The following PCSK6 variants were observed in gnomAD, a reference collection of about 807,000 sequenced individuals.
PCSK6 encodes paired basic amino acid cleaving enzyme 4.
A neutral mutation model predicts 123.3 loss-of-function variants in PCSK6; 85 were observed. That is an observed-to-expected ratio of 0.69 (90% CI 0.58 to 0.83). The LOEUF is 0.83. Ranked by LOEUF, PCSK6 falls within the 40% of genes least tolerant of loss-of-function variation. The pLI, the probability that PCSK6 is intolerant of heterozygous loss-of-function variation, is 0.00. For missense variants in PCSK6, 1,191 were observed against 1,282.3 expected, an observed-to-expected ratio of 0.93 and a Z score of 1.09; for synonymous variants, 508 against 516.0, an observed-to-expected ratio of 0.98 and a Z score of 0.21.
chr15:101,326,707 G>C (rs771325388), intron 15 of PCSK6, among the ~76,000 whole-genome samples: 1 of 152,228 alleles, frequency 6.6e-6, no homozygotes, highest in Non-Finnish European at 1.5e-5. Context: ...CTCTAGACAG[G>C]GATGGCATGA....
chr15:101,338,142 G>T (rs1203885700), intron 13 of PCSK6, among the ~76,000 whole-genome samples: 1 of 152,138 alleles, frequency 6.6e-6, no homozygotes, highest in African/African-American at 2.4e-5. Flanking sequence ...CCCAGGCGAG[G>T]GACCACAGGC....
chr15:101,353,400 C>T (rs539341284), intron 13 of PCSK6, among the ~76,000 whole-genome samples: 7 of 152,210 alleles, frequency 4.6e-5, no homozygotes, highest in South Asian at 2.1e-4. Context: ...GTTTGCTGGC[C>T]GCTCACCTCC....
intron 6 of PCSK6, among the ~76,000 whole-genome samples, chr15:101,401,015 G>A (rs1477493103): frequency 6.6e-6 from 1 of 152,244 alleles, no homozygotes; most frequent in Non-Finnish European, 1.5e-5. Context: ...AGGTAGGATA[G>A]TTGGTGGTGG....
intron 18 of PCSK6, among the ~76,000 whole-genome samples, chr15:101,322,043 C>G (rs930566619): frequency 6.6e-6 from 1 of 152,186 alleles, no homozygotes; most frequent in African/African-American, 2.4e-5. Flanking sequence ...GCATGCTGAG[C>G]TTTATGGGGC....
intron 13 of PCSK6, among the ~76,000 whole-genome samples, chr15:101,354,963 G>A (rs2040998193): frequency 2.0e-5 from 3 of 152,154 alleles, no homozygotes; most frequent in African/African-American, 7.2e-5. Flanking sequence ...TTGTAACAGC[G>A]AGATAAAATA....
chr15:101,455,236 C>A (rs1037028467), intron 1 of PCSK6, among the ~76,000 whole-genome samples: 1 of 152,228 alleles, frequency 6.6e-6, no homozygotes, highest in Non-Finnish European at 1.5e-5. Flanking sequence ...GATGCTGGGA[C>A]TATGGCTCCA....
At chr15:101,319,011 C>A (rs2040056315) in intron 18 of PCSK6, among the ~76,000 whole-genome samples, 1 of 152,250 alleles carries the variant, frequency 6.6e-6, no homozygotes, top group Non-Finnish European at 1.5e-5. Context: ...TCACTCCAGC[C>A]AGCCGAGTGC....
At position 101,366,417 on chromosome 15, in the gene PCSK6, G is replaced by A. The variant is rs186476404; in HGVS notation, c.1722-85C>T. The A allele has an allele frequency of 4.1e-4, 593 of 1,428,994 alleles. 1 individual carries two copies. The African/African-American group carries it at 7.6e-3, about 18-fold the overall frequency. The allele number at this position is 1,428,994 out of a possible 1,614,324, so 88.5% of individuals were successfully genotyped here. A position where few individuals can be genotyped will look rare whatever the true frequency, so the allele number is the denominator to read the frequency against. On this transcript the variant is annotated intron_variant, in intron 12 of 21. Transcript: ENST00000611716. Reference sequence around the variant, plus strand: ...GGGCTGGCACAAGCAGGGCTCTCGGGGGACTGTATGACCTGGCTGGACCGT... The same window carrying A: ...GGGCTGGCACAAGCAGGGCTCTCGGAGGACTGTATGACCTGGCTGGACCGT...
intron 13 of PCSK6, among the ~76,000 whole-genome samples, chr15:101,334,672 T>C (rs967269291): frequency 6.6e-6 from 1 of 152,190 alleles, no homozygotes; most frequent in Non-Finnish European, 1.5e-5. Context: ...GAGGCTATCA[T>C]TTGAGTTGAA....
chr15:101,430,929 A>G (rs2056426365), intron 4 of PCSK6, among the ~76,000 whole-genome samples: 1 of 152,250 alleles, frequency 6.6e-6, no homozygotes, highest in South Asian at 2.1e-4. Flanking sequence ...TCAAGATCTC[A>G]GAGCTAATCA....
intron 6 of PCSK6, among the ~76,000 whole-genome samples, chr15:101,404,460 C>T (rs1240301598): frequency 6.6e-6 from 1 of 152,168 alleles, no homozygotes; most frequent in Non-Finnish European, 1.5e-5. Context: ...ACACTGGGCC[C>T]AAGTGTCCAG....
intron 1 of PCSK6, among the ~76,000 whole-genome samples, chr15:101,480,672 G>C (rs977211342): frequency 1.3e-5 from 2 of 152,216 alleles, no homozygotes; most frequent in East Asian, 3.9e-4. Flanking sequence ...CGCAGGGTGT[G>C]AAGCATCCAC....
intron 2 of PCSK6, among the ~76,000 whole-genome samples, chr15:101,440,341 T>C (rs2056722414): frequency 6.6e-6 from 1 of 152,246 alleles, no homozygotes; most frequent in Non-Finnish European, 1.5e-5. Flanking sequence ...AAAATGACTG[T>C]ACCATTCCGG....
intron 4 of PCSK6, among the ~76,000 whole-genome samples, 172 bp downstream of exon 4, chr15:101,431,148 G>A (rs2056433106): frequency 6.6e-6 from 1 of 152,226 alleles, no homozygotes; most frequent in African/African-American, 2.4e-5. Flanking sequence ...GCCCCTGACA[G>A]TAGCAAGTAG....
chr15:101,397,724 C>T (rs1246315904), intron 7 of PCSK6, among the ~76,000 whole-genome samples: 1 of 152,242 alleles, frequency 6.6e-6, no homozygotes, highest in Non-Finnish European at 1.5e-5. Context: ...AGAACTGGCT[C>T]ATCTGCAGCC....
intron 9 of PCSK6, among the ~76,000 whole-genome samples, chr15:101,384,858 C>T (rs1181818607): frequency 2.6e-5 from 4 of 152,206 alleles, no homozygotes; most frequent in African/African-American, 9.7e-5. Context: ...TGTGGACCCA[C>T]TGGCTGTAGA....
intron 8 of PCSK6, 99 bp downstream of exon 8, chr15:101,393,113 C>G: frequency 9.9e-7 from 1 of 1,009,158 alleles, no homozygotes; most frequent in Non-Finnish European, 1.5e-6. Flanking sequence ...AACAATCTGG[C>G]CTCAATCTAA....
intron 1 of PCSK6, among the ~76,000 whole-genome samples, chr15:101,480,812 C>T (rs142069616): frequency 6.6e-6 from 1 of 152,208 alleles, no homozygotes; most frequent in Non-Finnish European, 1.5e-5. Context: ...AGGGTGTCCT[C>T]ATGTACAAGT....
At chr15:101,377,198 GC>G (rs2041773065) in intron 11 of PCSK6, among the ~76,000 whole-genome samples, 3 of 13,046 alleles carry the variant, frequency 2.3e-4, no homozygotes, top group East Asian at 1.8e-3. Flanking sequence ...CAGCAGCTGT[GC>G]TCTTAGGCAC....
Sources: allele counts gnomAD v4.1 joint callset (sites outside exome capture counted in the v4.1 genomes callset), GRCh38; gene constraint gnomAD v4.1.1; transcripts MANE v1.5; gene names NCBI Gene and HGNC (gene_info 2026-07-23, HGNC 2026-07-21).